The following NRK variants were observed in gnomAD, a reference collection of about 807,000 sequenced individuals.
NRK encodes nik-related protein kinase.
A neutral mutation model predicts 125.2 loss-of-function variants in NRK; 67 were observed. That is an observed-to-expected ratio of 0.54 (90% confidence interval 0.44 to 0.66). The LOEUF is 0.66. Among genes scored for constraint, NRK ranks in the 30% least tolerant of loss-of-function variants. The pLI is 0.00. For missense variants in NRK, 1,224 were observed against 1,192.9 expected (o/e 1.03, Z -0.38); for synonymous variants, 458 against 429.0 (o/e 1.07, Z -0.84).
chrX:105,924,083 A>C (rs1309760630), intron 18 of NRK, among the ~76,000 whole-genome samples: 1 of 108,883 alleles, frequency 9.2e-6, no homozygotes, highest in Admixed American at 9.9e-5. Flanking sequence ...TTTGTTTCCT[A>C]TGCAAAAAGA....
chrX:105,906,511 GA>G lies in NRK; in HGVS notation c.944del (p.Asp315ValfsTer2). On this transcript the variant is annotated frameshift_variant, in exon 11 of 29. Transcript: ENST00000243300. LOFTEE classifies it high-confidence loss of function. ...CATGCTTCAACACCCATTTGTTCGG[GA>G]TATAAAAAATGAACGACATGTTGTT... ...ANMLQHPFVR[D>X]IKNERHVVES... is the part of the protein sequence containing the mutation. The G allele has an allele frequency of 8.6e-7, 1 of 1,157,150 alleles. No homozygotes were observed. Among genetic ancestry groups the G allele is most frequent in the Non-Finnish European group, 1.2e-6 (1 of 858,147 alleles).
chrX:105,954,197 A>T (rs1175231196), intron 28 of NRK, among the ~76,000 whole-genome samples: 1 of 111,560 alleles, frequency 9.0e-6, no homozygotes, highest in Non-Finnish European at 1.9e-5. Flanking sequence ...GTCAAGAATG[A>T]CTAGCATATC....
At chrX:105,905,610 A>T (rs1168824360) in intron 10 of NRK, among the ~76,000 whole-genome samples, 3 of 112,651 alleles carry the variant, frequency 2.7e-5, no homozygotes, top group Non-Finnish European at 5.6e-5. Flanking sequence ...TTCCCCAGTA[A>T]TGGGATGAAC....
intron 2 of NRK, among the ~76,000 whole-genome samples, chrX:105,855,352 T>C (rs1026743683): frequency 3.6e-5 from 4 of 111,826 alleles, no homozygotes; most frequent in Middle Eastern, 4.6e-3. Context: ...AAAGAAATAA[T>C]TGTAATACAA....
chrX:105,926,029 A>T (rs2040519378), intron 19 of NRK, among the ~76,000 whole-genome samples: 1 of 111,295 alleles, frequency 9.0e-6, no homozygotes, highest in Non-Finnish European at 1.9e-5. Context: ...CCACAATACC[A>T]TTCTCCATTG....
chrX:105,837,831 A>T (rs2039284471), intron 2 of NRK, among the ~76,000 whole-genome samples: 1 of 111,181 alleles, frequency 9.0e-6, no homozygotes, highest in Non-Finnish European at 1.9e-5. Flanking sequence ...AATAGGTTGG[A>T]ACTCATTTTT....
At chrX:105,834,085 C>A (rs2039229752) in intron 2 of NRK, among the ~76,000 whole-genome samples, 1 of 111,528 alleles carries the variant, frequency 9.0e-6, no homozygotes, top group African/African-American at 3.3e-5. Flanking sequence ...ATCTTCATTT[C>A]TTTAGTGTAG....
intron 2 of NRK, among the ~76,000 whole-genome samples, chrX:105,877,234 A>G (rs376432694): frequency 7.2e-5 from 8 of 111,635 alleles, no homozygotes; most frequent in African/African-American, 2.6e-4. Flanking sequence ...ATACTTGACC[A>G]GTACTCTTTA....
chrX:105,900,927 A>G (rs2040149188), intron 9 of NRK, among the ~76,000 whole-genome samples: 2 of 111,184 alleles, frequency 1.8e-5, no homozygotes, highest in South Asian at 7.7e-4. Flanking sequence ...CTTATTTTAC[A>G]TTGACTGAGT....
intron 2 of NRK, among the ~76,000 whole-genome samples, chrX:105,856,190 T>C (rs931872143): frequency 8.9e-6 from 1 of 112,039 alleles, no homozygotes; most frequent in African/African-American, 3.2e-5. Flanking sequence ...GAAGTGCCTA[T>C]GTACCTAACA....
intron 5 of NRK, among the ~76,000 whole-genome samples, chrX:105,890,235 A>C (rs1355020783): frequency 9.0e-6 from 1 of 111,373 alleles, no homozygotes; most frequent in Admixed American, 9.6e-5. Flanking sequence ...CAAATTTCTC[A>C]TCTCCATCTG....
rs2040460624 is a variant in NRK, at chrX:105,922,192, A to G, written c.2610+131A>G. 8.0e-6 allele frequency: 3 copies of G among 373,801 alleles called. No individual in the cohort carries two copies. In the Admixed American group the frequency reaches 1.3e-4, roughly 17 times the overall value. The allele number at this position is 373,801 out of a possible 1,213,427, so 30.8% of individuals were successfully genotyped here. ...TTTTTAATTAACATTTTAAGGATAG[A>G]TTCTCATTGCTTTGTGAATACATAG... On this transcript the variant is annotated intron_variant, in intron 17 of 28. Transcript: ENST00000243300.
chrX:105,916,788 A>G (rs1056297075), intron 15 of NRK, among the ~76,000 whole-genome samples: 19 of 112,058 alleles, frequency 1.7e-4, no homozygotes, highest in African/African-American at 5.8e-4. Context: ...AATAAAATCC[A>G]ATATATAAAA....
At chrX:105,920,326 G>A (rs1287102877) in intron 16 of NRK, among the ~76,000 whole-genome samples, 2 of 106,660 alleles carry the variant, frequency 1.9e-5, no homozygotes, top group Non-Finnish European at 3.8e-5. Context: ...GTGAGGTAGT[G>A]TGATGCCTCC....
chrX:105,941,555 AAGAGAGAGAGAGAGAG>A (rs771874766), intron 23 of NRK, among the ~76,000 whole-genome samples: 1 of 85,270 alleles, frequency 1.2e-5, no homozygotes, highest in Admixed American at 1.4e-4. Flanking sequence ...GAGAGACAGA[AAGAGAGAGAGAGAGAG>A]AGAGAGAGAG....
At position 105,949,595 on chromosome X, in the gene NRK, A is replaced by G. The variant is rs1271218726; in HGVS notation, c.4374A>G (p.Pro1458=). 1 of 1,200,500 alleles carries G rather than the reference A, an allele frequency of 8.3e-7. No homozygotes were observed. The highest frequency in any genetic ancestry group is 1.1e-6 in the Non-Finnish European group (1 of 886,179). The part of the protein sequence containing the change: ...LPKNPLEIII[P]QNIIILPDCL... ...TCCAGCCCCTGGAAATCATTATACCACAGAATATCATCATTTTACCTGATT... is the reference window on the plus strand; with the variant it reads ...TCCAGCCCCTGGAAATCATTATACCGCAGAATATCATCATTTTACCTGATT... The change falls in exon 27 of 29, where the codon CCA becomes CCG. Residue 1458 remains proline, a synonymous_variant. Transcript: ENST00000243300.
At chrX:105,921,368 T>G (rs1354754862) in intron 16 of NRK, among the ~76,000 whole-genome samples, 3 of 105,806 alleles carry the variant, frequency 2.8e-5, no homozygotes, top group Admixed American at 1.0e-4. Flanking sequence ...CATTGGGAGA[T>G]ATACCTAATA....
chrX:105,923,589 A>C (rs2040482023), intron 18 of NRK, 107 bp downstream of exon 18: 2 of 488,642 alleles, frequency 4.1e-6, no homozygotes, highest in Non-Finnish European at 6.6e-6. Flanking sequence ...ACCTAATTTC[A>C]CTTGCATTTT....
chrX:105,937,186 TAG>T (rs1336259572), intron 21 of NRK, among the ~76,000 whole-genome samples: 3 of 109,922 alleles, frequency 2.7e-5, no homozygotes, highest in African/African-American at 9.9e-5. Context: ...GTTCTGTTGG[TAG>T]AGAGTACATA....
Sources: gnomAD v4.1 joint callset for allele counts (sites outside exome capture counted in the v4.1 genomes callset) on GRCh38, gnomAD v4.1.1 for gene constraint, MANE v1.5 for transcripts, NCBI Gene and HGNC (gene_info 2026-07-23, HGNC 2026-07-21) for gene names.